Variants in PGAP4 observed in about 807,000 individuals in gnomAD.
PGAP4 encodes the protein GPI-N-acetylgalactosamine transferase PGAP4.
PGAP4 carries 12 observed loss-of-function variants against 28.2 expected under a neutral mutation model. That is an observed-to-expected ratio of 0.42 (90% CI 0.27 to 0.69). PGAP4 has a LOEUF of 0.69. Ranked by LOEUF, PGAP4 falls within the 30% of genes least tolerant of loss-of-function variation. The pLI, the probability that PGAP4 is intolerant of heterozygous loss-of-function variation, is 0.22. For missense variants in PGAP4, 425 were observed against 513.5 expected (o/e 0.83, Z 1.67); for synonymous variants, 205 against 211.8 (o/e 0.97, Z 0.28).
chr9:101,488,533 C>G (rs1414045622), upstream of PGAP4, among the ~76,000 whole-genome samples: 1 of 152,140 alleles, frequency 6.6e-6, no homozygotes, highest in Non-Finnish European at 1.5e-5. Context: ...GAGAGGTTTA[C>G]ATGAGATAAT....
intron 2 of PGAP4, among the ~76,000 whole-genome samples, chr9:101,525,080 G>A (rs1827023665): frequency 6.6e-6 from 1 of 152,196 alleles, no homozygotes; most frequent in Non-Finnish European, 1.5e-5. Context: ...GAATATACGA[G>A]TGCATGTCTT....
intron 2 of PGAP4, among the ~76,000 whole-genome samples, chr9:101,499,207 A>C (rs1039504318): frequency 6.6e-6 from 1 of 152,030 alleles, no homozygotes; most frequent in African/African-American, 2.4e-5. Context: ...TCCCAAATAA[A>C]GTAAAAAAGC....
chr9:101,514,506 TTGCATG>T (rs144422438), intron 2 of PGAP4, among the ~76,000 whole-genome samples: 24,275 of 151,796 alleles, frequency 0.16, 2,387 homozygotes, highest in East Asian at 0.36. Flanking sequence ...TTTTGTATGT[TTGCATG>T]TGCATGTGCA....
At chr9:101,520,268 TA>T (rs1826978216) in intron 2 of PGAP4, among the ~76,000 whole-genome samples, 2 of 152,208 alleles carry the variant, frequency 1.3e-5, no homozygotes, top group Admixed American at 6.5e-5. Context: ...GTTATTTTGA[TA>T]AGGATTGCAT....
rs769427864 is a variant in PGAP4, at chr9:101,475,910, G to A, written c.1183C>T (p.Arg395Trp). The A allele has an allele frequency of 1.2e-5, 19 of 1,614,044 alleles. No homozygotes were observed. The highest frequency in any genetic ancestry group is 2.2e-5 in the South Asian group (2 of 91,078). Residue 395 changes from arginine (R) to tryptophan (W), a missense_variant, in exon 2 of 2, where the codon CGG (arginine) becomes TGG (tryptophan). Coordinates refer to ENST00000374848, the MANE Select transcript of PGAP4 (RefSeq NM_032342.3). Reference sequence around the variant, plus strand: ...AGGAGACTGGGATGAAAGTTGTACCGGAGACTGGAGAAGAGCCCGATGTGT... The same window carrying A: ...AGGAGACTGGGATGAAAGTTGTACCAGAGACTGGAGAAGAGCCCGATGTGT... ...VKHIGLFSSL[R>W]YNFHPSLL
chr9:101,499,539 T>C (rs562435796), intron 2 of PGAP4, among the ~76,000 whole-genome samples: 7 of 152,142 alleles, frequency 4.6e-5, no homozygotes, highest in Non-Finnish European at 5.9e-5. Flanking sequence ...GCTTTCATAA[T>C]TGTTTTGAAG....
At chr9:101,488,855 C>T (rs1039312558), upstream of PGAP4, among the ~76,000 whole-genome samples, 5 of 152,258 alleles carry the variant, frequency 3.3e-5, no homozygotes, top group Admixed American at 3.3e-4. Context: ...ACAGAAAGTT[C>T]TATGAGATAG....
chr9:101,478,308 T>G (rs1826385486), intron 1 of PGAP4, among the ~76,000 whole-genome samples: 1 of 152,216 alleles, frequency 6.6e-6, no homozygotes, highest in African/African-American at 2.4e-5. Flanking sequence ...GCAAAGCCAG[T>G]ATAAAATAAT....
At position 101,516,945 on chromosome 9, in the gene PGAP4, G is replaced by A. The variant is rs565938609; in HGVS notation, c.-165+14403C>T. ...ATCGCCAACAGACTTTGAAAGAGTG[G>A]TGTGGATGGTCACTGCTCATGATCT... is the stretch of plus-strand genomic sequence containing the variant. On this transcript the variant is annotated intron_variant, in intron 2 of 3. Transcript: ENST00000374851. Among the ~76,000 whole-genome samples, 15 of 152,288 alleles carry A rather than the reference G, an allele frequency of 9.8e-5. No individual in the cohort carries two copies. In the South Asian group the frequency reaches 3.1e-3, roughly 32 times the overall value.
intron 2 of PGAP4, among the ~76,000 whole-genome samples, chr9:101,514,431 CAGAA>C (rs946628215): frequency 6.6e-6 from 1 of 152,076 alleles, no homozygotes; most frequent in Non-Finnish European, 1.5e-5. Context: ...TATAGTAAAG[CAGAA>C]AGAAAATCAA....
intron 2 of PGAP4, among the ~76,000 whole-genome samples, chr9:101,508,614 C>A (rs540615201): frequency 1.3e-5 from 2 of 152,250 alleles, no homozygotes; most frequent in African/African-American, 2.4e-5. Flanking sequence ...CGGTCCTCAA[C>A]CTTTTTGGTG....
Position 101,475,721 on chromosome 9 carries a change from C to T in PGAP4, c.*160G>A. 1.3e-6 allele frequency: 1 copy of T among 785,394 alleles called. No homozygotes were observed. Among genetic ancestry groups the T allele is most frequent in the Non-Finnish European group, 2.0e-6 (1 of 499,638 alleles). 48.7% of individuals were successfully genotyped at this position (785,394 alleles called of 1,614,324 possible). On this transcript the variant is annotated 3_prime_UTR_variant, in exon 2 of 2. Coordinates refer to ENST00000374848, the MANE Select transcript of PGAP4 (RefSeq NM_032342.3). ...TGCTCCTGCCAGGAGGCTACCAAAG[C>T]CAAGGCTCTTAACATATTGAGGTTC...
At chr9:101,478,686 G>C (rs1304819880) in intron 1 of PGAP4, among the ~76,000 whole-genome samples, 1 of 152,210 alleles carries the variant, frequency 6.6e-6, no homozygotes, top group Admixed American at 6.5e-5. Context: ...GCTGAATGGA[G>C]AGCCCTGGTG....
rs747413662 is a variant in PGAP4 at position 101,475,601 on chromosome 9, T to C, written c.*280A>G. ...AGAGCTTAAAAACAAATGGAGAATA[T>C]AATCAGTGTTCAAATGCACCCTCAC... On this transcript the variant is annotated 3_prime_UTR_variant, in exon 2 of 2. Transcript: ENST00000374848. 9.2e-6 allele frequency: 4 copies of C among 433,706 alleles called. No homozygotes were observed. The highest frequency in any genetic ancestry group is 1.2e-5 in the Non-Finnish European group (3 of 243,878). 26.9% of individuals were successfully genotyped at this position (433,706 alleles called of 1,614,324 possible).
rs112440715 is a variant in PGAP4, at chr9:101,477,849, C to G, written c.-77-680G>C. On this transcript the variant is annotated intron_variant, in intron 1 of 1. Coordinates refer to ENST00000374848, the MANE Select transcript of PGAP4 (RefSeq NM_032342.3). ...AGTATTTCCCATAAGCAAGCAAACT[C>G]TAGAGCCCCAGGCTTGGGGAGGGAG... 7.0e-4 allele frequency among the ~76,000 whole-genome samples: 106 copies of G among 152,206 alleles called. 1 individual carries two copies. The highest frequency in any genetic ancestry group is 6.0e-4 in the African/African-American group (25 of 41,530).
chr9:101,477,428 C>A (rs1422164682), intron 1 of PGAP4, among the ~76,000 whole-genome samples: 1 of 151,892 alleles, frequency 6.6e-6, no homozygotes, highest in African/African-American at 2.4e-5. Context: ...AATCATCACG[C>A]CTAAAGATAC....
At position 101,530,324 on chromosome 9, in the gene PGAP4, G is replaced by A. The variant is rs1827077245; in HGVS notation, c.-165+1024C>T. Among the ~76,000 whole-genome samples the A allele has an allele frequency of 1.3e-5, 2 of 152,134 alleles. 1 individual carries two copies. The highest frequency in any genetic ancestry group is 4.1e-4 in the South Asian group (2 of 4,830). On this transcript the variant is annotated intron_variant, in intron 2 of 3. Coordinates refer to the PGAP4 transcript ENST00000374851. The stretch of plus-strand genomic sequence containing the variant: ...CTTGTGGCAGAATTGGGTAGTTAAT[G>A]AAGACCGGCTGGAGGTCGAATGACT...
rs577306990 is a variant in PGAP4 at position 101,484,553 on chromosome 9, T to C, written c.-78+2396A>G. ...TGGAGATGGGGTCTTTGGAAGGTAA[T>C]CAGGTCATAAGGGTGCAGACCTCAG... On this transcript the variant is annotated intron_variant, in intron 1 of 1. Coordinates refer to ENST00000374848, the MANE Select transcript of PGAP4 (RefSeq NM_032342.3). Among the ~76,000 whole-genome samples the C allele has an allele frequency of 2.0e-5, 3 of 152,260 alleles. No individual in the cohort carries two copies. In the South Asian group the frequency reaches 6.2e-4, roughly 32 times the overall value.
rs775557693 is a variant in PGAP4 at position 101,475,940 on chromosome 9, C to A, written c.1153G>T (p.Val385Leu). ...ERAYVVEPNL[V>L]KHIGLFSSLR... ...CTGGAGAAGAGCCCGATGTGTTTCA[C>A]GAGGTTCGGCTCCACTACATAGGCC... is the stretch of plus-strand genomic sequence containing the variant. Residue 385 changes from valine to leucine, a missense_variant, in exon 2 of 2, where the codon GTG (valine) becomes TTG (leucine). Physicochemically the swap from Val to Leu is conservative, Grantham distance 32. Coordinates refer to ENST00000374848, the MANE Select transcript of PGAP4 (RefSeq NM_032342.3). 1.9e-6 allele frequency: 3 copies of A among 1,614,114 alleles called. No homozygotes were observed. Among genetic ancestry groups the A allele is most frequent in the Non-Finnish European group, 2.5e-6 (3 of 1,180,056 alleles).
Sources: gnomAD v4.1 joint callset for allele counts (sites outside exome capture counted in the v4.1 genomes callset) on GRCh38, gnomAD v4.1.1 for gene constraint, MANE v1.5 for transcripts, NCBI Gene and HGNC (gene_info 2026-07-23, HGNC 2026-07-21) for gene names.